CCDC86: variants seen among roughly 807,000 people sequenced by gnomAD.
CCDC86 encodes coiled-coil domain-containing protein 86.
Under a neutral mutation model 36.7 loss-of-function variants are expected in CCDC86, and 28 were observed. That is an observed-to-expected ratio of 0.76 (90% CI 0.57 to 1.05). The LOEUF (loss-of-function observed/expected upper bound fraction) is 1.05. CCDC86 is among the 50% of genes least tolerant of loss of function. The probability of loss-of-function intolerance (pLI) is 0.00; values close to 1 mark genes in which losing one functional copy is unlikely to be tolerated. For synonymous variants in CCDC86, 199 were observed against 203.4 expected, an observed-to-expected ratio of 0.98 and a Z score of 0.18; for missense variants, 453 against 470.2, an observed-to-expected ratio of 0.96 and a Z score of 0.34.
intron 1 of CCDC86, among the ~76,000 whole-genome samples, chr11:60,844,158 G>A (rs1229222602): frequency 6.6e-6 from 1 of 152,184 alleles, no homozygotes; most frequent in Non-Finnish European, 1.5e-5. Context: ...CTGCAGGTGG[G>A]GAGATGGGCT....
rs141911749 is a variant in CCDC86 at position 60,842,465 on chromosome 11, C to T, written c.341C>T (p.Pro114Leu). The stretch of plus-strand genomic sequence containing the variant: ...CAGCCAGAGTACAGTCCTGAATCCC[C>T]ACGATGTCAGCCGAAGCCAAGTGAG... ...QRQPEYSPES[P>L]RCQPKPSEEA... is the part of the protein sequence containing the mutation. The change falls in exon 1 of 4, where the codon CCA becomes CTA. Residue 114 changes from proline to leucine, a missense_variant. Transcript: ENST00000227520. 231 of 1,613,846 alleles carry T rather than the reference C, an allele frequency of 1.4e-4. No individual in the cohort carries two copies. In the African/African-American group the frequency reaches 2.7e-3, roughly 19 times the overall value.
chr11:60,845,381 CAT>C (rs1396042191), intron 1 of CCDC86, among the ~76,000 whole-genome samples: 1 of 152,194 alleles, frequency 6.6e-6, no homozygotes, highest in Non-Finnish European at 1.5e-5. Flanking sequence ...TGAACACAGA[CAT>C]AGGCGGGCAG....
At chr11:60,847,701 T>G in intron 1 of CCDC86, 1 of 428,890 alleles carries the variant, frequency 2.3e-6, no homozygotes, top group South Asian at 2.4e-5. Context: ...AGTACCCACC[T>G]CAGAGGCATG....
chr11:60,843,680 A>G (rs1320773910), intron 1 of CCDC86, among the ~76,000 whole-genome samples: 1 of 152,208 alleles, frequency 6.6e-6, no homozygotes, highest in Non-Finnish European at 1.5e-5. Flanking sequence ...TCATCTGAAG[A>G]AGGAAGAGTG....
intron 2 of CCDC86, among the ~76,000 whole-genome samples, chr11:60,848,818 C>T (rs1432411255): frequency 2.0e-5 from 3 of 152,148 alleles, no homozygotes; most frequent in African/African-American, 4.8e-5. Flanking sequence ...AAGGGGTGGG[C>T]CAGTCACTCA....
chr11:60,846,699 C>A (rs1855187005), intron 1 of CCDC86, among the ~76,000 whole-genome samples: 1 of 152,112 alleles, frequency 6.6e-6, no homozygotes, highest in Non-Finnish European at 1.5e-5. Flanking sequence ...CTCAGCCTCC[C>A]AAGTAGCTGG....
In CCDC86 at chr11:60,842,181, C is replaced by T. The variant is rs535381322; in HGVS notation, c.57C>T (p.Pro19=). 23 of 1,612,130 alleles carry T rather than the reference C, an allele frequency of 1.4e-5. No homozygotes were observed. The East Asian group carries it at 3.8e-4, about 27-fold the overall frequency. ...RRLGGLRPES[P]ESLTSVSRTR... ...TGGGAGGCCTAAGGCCCGAATCCCC[C>T]GAGAGCCTCACCTCAGTTTCGCGGA... Residue 19 remains proline (P), a synonymous_variant, in exon 1 of 4, where the codon CCC becomes CCT. Transcript: ENST00000227520.
chr11:60,844,889 G>A (rs1855164602), intron 1 of CCDC86, among the ~76,000 whole-genome samples: 1 of 152,224 alleles, frequency 6.6e-6, no homozygotes. Flanking sequence ...GGGTAAACAT[G>A]TCTGTGAACA....
At chr11:60,847,686 A>G (rs1428479635) in intron 1 of CCDC86, 18 of 352,540 alleles carry the variant, frequency 5.1e-5, no homozygotes. Flanking sequence ...AGTGGAGAGG[A>G]TAGGAGTACC....
chr11:60,848,153 C>A (rs1590574135), intron 2 of CCDC86, 100 bp downstream of exon 2: 5 of 1,420,786 alleles, frequency 3.5e-6, no homozygotes, highest in Non-Finnish European at 3.8e-6. Context: ...CTGGGGGAGG[C>A]CGACTTGGTT....
rs557820139 is a variant in CCDC86 at position 60,847,653 on chromosome 11, G to A, written c.759-271G>A. The A allele has an allele frequency of 7.1e-5, 16 of 225,236 alleles. No homozygotes were observed. The East Asian group carries it at 1.4e-3, about 19-fold the overall frequency. 14.0% of individuals were successfully genotyped at this position (225,236 alleles called of 1,614,324 possible). ...CTTTAGGCAGCTATTTAACCTCTCC[G>A]CGCCTTGGCCTGCTCCTCTGTAAGT... On this transcript the variant is annotated intron_variant, in intron 1 of 3. Coordinates refer to ENST00000227520, the MANE Select transcript of CCDC86 (RefSeq NM_024098.4).
Position 60,850,214 on chromosome 11 carries a change from C to T in CCDC86, c.972C>T (p.Asn324=), listed in dbSNP as rs1431147372. ...CCTCATACCACCCCCAGATCCGAAA[C>T]CCCGCCAAGCTCAAGCGGGCAAAGA... The part of the protein sequence containing the change: ...RKAEVVQVIR[N]PAKLKRAKKK... The change falls in exon 4 of 4, where the codon AAC becomes AAT. Residue 324 remains asparagine (N), a synonymous_variant. Coordinates refer to ENST00000227520, the MANE Select transcript of CCDC86 (RefSeq NM_024098.4). The T allele has an allele frequency of 1.2e-6, 2 of 1,614,206 alleles. No individual in the cohort carries two copies. The highest frequency in any genetic ancestry group is 1.7e-6 in the Non-Finnish European group (2 of 1,180,022).
chr11:60,846,893 T>C (rs1325788799), intron 1 of CCDC86, among the ~76,000 whole-genome samples: 7 of 143,442 alleles, frequency 4.9e-5, no homozygotes, highest in Non-Finnish European at 6.1e-5. Context: ...CATTTTTTTT[T>C]CCCTGAAATA....
rs1228956341 is a variant in CCDC86, at chr11:60,842,396, C to G, written c.272C>G (p.Ser91Cys). 1 of 1,613,144 alleles carries G rather than the reference C, an allele frequency of 6.2e-7. No individual in the cohort carries two copies. Among genetic ancestry groups the G allele is most frequent in the Non-Finnish European group, 8.5e-7 (1 of 1,179,736 alleles). Residue 91 changes from serine (S) to cysteine (C), a missense_variant, in exon 1 of 4, where the codon TCC becomes TGC. Transcript: ENST00000227520. ...GGGCAGCCAGAGCCAGGCGCAGCGT[C>G]CCCCCAGCGTCAGCAAGACCTACAC... is the stretch of plus-strand genomic sequence containing the variant. ...PQGQPEPGAA[S>C]PQRQQDLHLE...
Position 60,850,615 on chromosome 11 carries a change from T to G in CCDC86, c.*290T>G. The G allele has an allele frequency of 5.2e-6, 2 of 384,516 alleles. No individual in the cohort carries two copies. Among genetic ancestry groups the G allele is most frequent in the Non-Finnish European group, 4.7e-6 (1 of 211,842 alleles). 23.8% of individuals were successfully genotyped at this position (384,516 alleles called of 1,614,324 possible). On this transcript the variant is annotated 3_prime_UTR_variant, in exon 4 of 4. Transcript: ENST00000227520. ...GTGCCTTCAAACCAAGAACTGTACA[T>G]TCTTCTGGTTCCTCAGTGAGCTGGT... is the stretch of plus-strand genomic sequence containing the variant.
Position 60,850,655 on chromosome 11 carries a change from T to C in CCDC86, c.*330T>C. ...AGTGAGCTGGTGACTGGCAGGTGAC[T>C]CCCTCAGCAGTGTATGCCCTTTCTC... On this transcript the variant is annotated 3_prime_UTR_variant, in exon 4 of 4. Coordinates refer to ENST00000227520, the MANE Select transcript of CCDC86 (RefSeq NM_024098.4). 3.2e-6 allele frequency: 1 copy of C among 310,842 alleles called. No homozygotes were observed. The highest frequency in any genetic ancestry group is 6.0e-6 in the Non-Finnish European group (1 of 165,324). The allele number at this position is 310,842 out of a possible 1,614,324, so 19.3% of individuals were successfully genotyped here. A position where few individuals can be genotyped will look rare whatever the true frequency, so the allele number is the denominator to read the frequency against.
chr11:60,846,493 A>G (rs1374502924), intron 1 of CCDC86, among the ~76,000 whole-genome samples: 1 of 152,100 alleles, frequency 6.6e-6, no homozygotes, highest in East Asian at 1.9e-4. Context: ...CAAAGCTCTC[A>G]AGTCCCCATT....
At chr11:60,848,264 T>C (rs983699002) in intron 2 of CCDC86, among the ~76,000 whole-genome samples, 6 of 139,926 alleles carry the variant, frequency 4.3e-5, no homozygotes, top group African/African-American at 1.5e-4. Flanking sequence ...CAGGGGACCA[T>C]ACAGTTTAGC....
intron 1 of CCDC86, chr11:60,847,640 A>C: frequency 5.1e-6 from 1 of 197,014 alleles, no homozygotes; most frequent in Non-Finnish European, 1.0e-5. Context: ...TTAGGCAGCT[A>C]TTTAACCTCT....
Sources: allele counts gnomAD v4.1 joint callset (sites outside exome capture counted in the v4.1 genomes callset), GRCh38; gene constraint gnomAD v4.1.1; transcripts MANE v1.5; gene names NCBI Gene and HGNC (gene_info 2026-07-23, HGNC 2026-07-21).